The following FOXN3 variants were observed in gnomAD, a reference collection of about 807,000 sequenced individuals.
The protein encoded by FOXN3 is forkhead box protein N3.
FOXN3 carries 7 observed loss-of-function variants against 38.4 expected under a neutral mutation model. The observed-to-expected ratio is 0.18, with a 90% confidence interval of 0.10 to 0.34. The LOEUF is 0.34. Ranked by LOEUF, FOXN3 falls within the 10% of genes least tolerant of loss-of-function variation. The pLI is 1.00. For missense variants in FOXN3, 456 were observed against 613.4 expected (o/e 0.74, Z 2.71); for synonymous variants, 230 against 242.2 (o/e 0.95, Z 0.47).
intron 4 of FOXN3, among the ~76,000 whole-genome samples, chr14:89,226,478 G>C (rs1054455672): frequency 6.6e-6 from 1 of 152,110 alleles, no homozygotes; most frequent in African/African-American, 2.4e-5. Flanking sequence ...GCCTCACTAT[G>C]TTACCCAGGC....
intron 4 of FOXN3, among the ~76,000 whole-genome samples, chr14:89,268,449 T>C (rs1886048883): frequency 6.6e-6 from 1 of 152,192 alleles, no homozygotes; most frequent in African/African-American, 2.4e-5. Flanking sequence ...TAACTAACAC[T>C]GTTAATTAGA....
intron 4 of FOXN3, among the ~76,000 whole-genome samples, chr14:89,277,488 A>C (rs1159262486): frequency 6.6e-6 from 1 of 152,178 alleles, no homozygotes; most frequent in Non-Finnish European, 1.5e-5. Context: ...TGATGAAATG[A>C]CCAATTATGT....
chr14:89,507,447 T>C (rs569415023), intron 1 of FOXN3, among the ~76,000 whole-genome samples: 1 of 152,294 alleles, frequency 6.6e-6, no homozygotes, highest in South Asian at 2.1e-4. Flanking sequence ...GAAACCAGTG[T>C]TCAATAATCA....
At chr14:89,407,484 A>G (rs1401155033) in intron 2 of FOXN3, among the ~76,000 whole-genome samples, 4 of 152,212 alleles carry the variant, frequency 2.6e-5, no homozygotes, top group Admixed American at 6.5e-5. Flanking sequence ...GAAACCGTCA[A>G]TTATTCTTAT....
chr14:89,332,110 C>T (rs2062530189), intron 3 of FOXN3, among the ~76,000 whole-genome samples: 1 of 152,114 alleles, frequency 6.6e-6, no homozygotes. Context: ...ATGTGGTGTC[C>T]CACCTAAGGA....
chr14:89,513,394 T>TTTTTG (rs1035162087), intron 1 of FOXN3, among the ~76,000 whole-genome samples: 6 of 151,350 alleles, frequency 4.0e-5, no homozygotes, highest in Non-Finnish European at 7.4e-5. Flanking sequence ...CCAGCCAATT[T>TTTTTG]TTTTGTTTTG....
chr14:89,341,076 G>T (rs1888600600), intron 3 of FOXN3, among the ~76,000 whole-genome samples: 1 of 152,068 alleles, frequency 6.6e-6, no homozygotes, highest in Non-Finnish European at 1.5e-5. Context: ...AACATCTCAA[G>T]AGCTGGAAGC....
intron 1 of FOXN3, among the ~76,000 whole-genome samples, chr14:89,551,287 C>T (rs772716278): frequency 3.9e-5 from 6 of 152,216 alleles, no homozygotes; most frequent in African/African-American, 7.2e-5. Flanking sequence ...GTGGGTCTAA[C>T]TTTCTGGGGT....
intron 1 of FOXN3, among the ~76,000 whole-genome samples, chr14:89,579,699 G>A (rs1895706578): frequency 6.6e-6 from 1 of 152,086 alleles, no homozygotes; most frequent in South Asian, 2.1e-4. Context: ...GCATGTACAA[G>A]GCTAGCCCCT....
chr14:89,561,159 G>A (rs925419917), intron 1 of FOXN3, among the ~76,000 whole-genome samples: 2 of 152,224 alleles, frequency 1.3e-5, no homozygotes, highest in African/African-American at 4.8e-5. Context: ...AAAAGCGTGA[G>A]GCCCCACGGT....
intron 1 of FOXN3, among the ~76,000 whole-genome samples, chr14:89,618,775 C>CTT (rs10649488): frequency 0.21 from 30,867 of 145,490 alleles, 3,479 homozygotes; most frequent in East Asian, 0.44. Flanking sequence ...TCCTAAGAAA[C>CTT]TTTTTTTTTT....
At chr14:89,316,304 A>G (rs938694265) in intron 3 of FOXN3, among the ~76,000 whole-genome samples, 3 of 152,122 alleles carry the variant, frequency 2.0e-5, no homozygotes, top group African/African-American at 7.2e-5. Context: ...GAGCCCAGCT[A>G]ACACCACAAG....
intron 4 of FOXN3, among the ~76,000 whole-genome samples, chr14:89,205,943 G>A (rs1404679720): frequency 1.3e-5 from 2 of 152,172 alleles, no homozygotes; most frequent in Non-Finnish European, 1.5e-5. Context: ...AACTTCTCCC[G>A]TTTCAATGAA....
chr14:89,280,805 C>T (rs1011246857), intron 4 of FOXN3, 145 bp downstream of exon 4: 20 of 632,528 alleles, frequency 3.2e-5, no homozygotes, highest in South Asian at 2.0e-4. Flanking sequence ...GACAAATAGT[C>T]CCCACCCACA....
intron 4 of FOXN3, among the ~76,000 whole-genome samples, chr14:89,206,592 T>A (rs1888392245): frequency 6.6e-6 from 1 of 152,192 alleles, no homozygotes; most frequent in Non-Finnish European, 1.5e-5. Context: ...CAGGCCCGCC[T>A]GGCAAGCTGG....
At chr14:89,181,939 G>A (rs370009288) in intron 4 of FOXN3, among the ~76,000 whole-genome samples, 22 of 152,166 alleles carry the variant, frequency 1.4e-4, no homozygotes, top group African/African-American at 3.1e-4. Flanking sequence ...TTCCCTCTCC[G>A]AACACTGTTC....
At chr14:89,390,112 G>C (rs1890897666) in intron 2 of FOXN3, among the ~76,000 whole-genome samples, 1 of 151,412 alleles carries the variant, frequency 6.6e-6, no homozygotes, top group South Asian at 2.1e-4. Context: ...TGTAGTCCTA[G>C]CTATTTGGGA....
intron 2 of FOXN3, chr14:89,409,514 C>T (rs1891482078): frequency 6.6e-6 from 1 of 152,220 alleles, no homozygotes; most frequent in Non-Finnish European, 1.5e-5. Flanking sequence ...TGTGCATTTG[C>T]TAAATTACTT....
intron 4 of FOXN3, among the ~76,000 whole-genome samples, chr14:89,252,699 C>T (rs917230953): frequency 1.3e-5 from 2 of 150,754 alleles, no homozygotes; most frequent in Admixed American, 6.6e-5. Context: ...ATAAATATCT[C>T]GAAGAGGTGT....
Sources: allele counts gnomAD v4.1 joint callset (sites outside exome capture counted in the v4.1 genomes callset), GRCh38; gene constraint gnomAD v4.1.1; transcripts MANE v1.5; gene names NCBI Gene and HGNC (gene_info 2026-07-23, HGNC 2026-07-21).